ABR: variants seen among roughly 807,000 people sequenced by gnomAD.
The protein encoded by ABR is ABR activator of RhoGEF and GTPase.
A neutral mutation model predicts 107.2 loss-of-function variants in ABR; 35 were observed. The observed-to-expected ratio is 0.33, with a 90% CI of 0.25 to 0.43. The LOEUF is 0.43. ABR is among the 20% of genes least tolerant of loss of function. ABR has a pLI of 1.00. For missense variants in ABR, 815 were observed against 1,115.2 expected, an observed-to-expected ratio of 0.73 and a Z score of 3.83; for synonymous variants, 498 against 462.0, an observed-to-expected ratio of 1.08 and a Z score of -1.00.
Position 1,100,998 on chromosome 17 carries a change from A to G in ABR, c.247-263T>C, listed in dbSNP as rs1442519857. On this transcript the variant is annotated intron_variant, in intron 2 of 22. Transcript: ENST00000302538. Reference sequence around the variant, plus strand: ...GCCACCATGCCCAGATAATTTTTGTATTTTTAGTAGAGATGGGGTTTCACC... The same window carrying G: ...GCCACCATGCCCAGATAATTTTTGTGTTTTTAGTAGAGATGGGGTTTCACC... 13 of 500,074 alleles carry G rather than the reference A, an allele frequency of 2.6e-5. No homozygotes were observed. In the East Asian group the frequency reaches 3.9e-4, roughly 15 times the overall value. The allele number at this position is 500,074 out of a possible 1,614,324, so 31.0% of individuals were successfully genotyped here.
Position 1,010,711 on chromosome 17 carries a change from G to A in ABR, c.2236+18C>T. 1 of 1,612,640 alleles carries A rather than the reference G, an allele frequency of 6.2e-7. No individual in the cohort carries two copies. The highest frequency in any genetic ancestry group is 8.5e-7 in the Non-Finnish European group (1 of 1,179,758). On this transcript the variant is annotated intron_variant, in intron 20 of 22. Coordinates refer to ENST00000302538, the MANE Select transcript of ABR (RefSeq NM_021962.5). This position sits in a 1 kb window ranked among gnomAD's most constrained non-coding sequence, Gnocchi z 4.1. ...TCAGTCTGGCCCAGCCCAGTCCTAGGAGCCCTCAGGGCCTCACCGATGCCC... is the reference window on the plus strand; with the variant it reads ...TCAGTCTGGCCCAGCCCAGTCCTAGAAGCCCTCAGGGCCTCACCGATGCCC...
At chr17:1,159,697 A>ACACAC (rs1485708387) in intron 1 of ABR, among the ~76,000 whole-genome samples, 6 of 56,748 alleles carry the variant, frequency 1.1e-4, no homozygotes, top group African/African-American at 4.4e-4. Flanking sequence ...CAGGAGAAGC[A>ACACAC]GGAATGCGGT....
chr17:1,097,113 G>C (rs1228277881), intron 3 of ABR, among the ~76,000 whole-genome samples: 2 of 152,198 alleles, frequency 1.3e-5, no homozygotes, highest in Non-Finnish European at 2.9e-5. Context: ...TCTTGGTCTT[G>C]GCCCAGAGGA....
intron 1 of ABR, among the ~76,000 whole-genome samples, chr17:1,136,223 T>G (rs915926893): frequency 1.6e-4 from 25 of 152,156 alleles, no homozygotes; most frequent in Admixed American, 1.2e-3. Context: ...GTTTTTGTTT[T>G]GTTTGGTTTT....
chr17:1,126,632 G>A (rs1037035983), intron 1 of ABR: 1 of 152,302 alleles, frequency 6.6e-6, no homozygotes, highest in Non-Finnish European at 1.5e-5. Flanking sequence ...GGGACTCCCT[G>A]GCCAGGCATC....
rs1295881485 is a variant in ABR at position 1,200,906 on chromosome 17, C to T, written c.838+27887G>A. 1.3e-5 allele frequency among the ~76,000 whole-genome samples: 2 copies of T among 152,304 alleles called. No individual in the cohort carries two copies. The highest frequency in any genetic ancestry group is 1.9e-4 in the East Asian group (1 of 5,174). ...CTCTTCCTTCCTCTGGGCAGGGCTA[C>T]AGCTTAGAGACTGGGAGAAAGCCTT... is the stretch of plus-strand genomic sequence containing the variant. On this transcript the variant is annotated intron_variant, in intron 1 of 22. Coordinates refer to the ABR transcript ENST00000574139. The surrounding 1 kb of genome is among the most constrained non-coding windows in gnomAD (Gnocchi z 4.1).
Position 1,078,818 on chromosome 17 carries a change from G to C in ABR, c.700+512C>G, listed in dbSNP as rs2035954768. On this transcript the variant is annotated intron_variant, in intron 6 of 22. Coordinates refer to ENST00000302538, the MANE Select transcript of ABR (RefSeq NM_021962.5). This position sits in a 1 kb window ranked among gnomAD's most constrained non-coding sequence, Gnocchi z 7.5. ...CACAGCGAGCACCTGGGTTACCATA[G>C]GTGCAGTTACAGCAGAAGCGAATAA... 12 of 1,535,464 alleles carry C rather than the reference G, an allele frequency of 7.8e-6. No individual in the cohort carries two copies. Among genetic ancestry groups the C allele is most frequent in the Admixed American group, 3.9e-5 (2 of 50,972 alleles).
chr17:1,102,198 GCCT>G (rs2037946259), intron 2 of ABR, among the ~76,000 whole-genome samples: 1 of 152,128 alleles, frequency 6.6e-6, no homozygotes, highest in South Asian at 2.1e-4. Context: ...AGGAGAACCA[GCCT>G]CCTCATCTTC....
intron 16 of ABR, among the ~76,000 whole-genome samples, chr17:1,017,941 TC>T (rs1179222197): frequency 2.0e-5 from 3 of 151,802 alleles, no homozygotes; most frequent in Admixed American, 1.3e-4. Context: ...CACTGTGCCG[TC>T]CAGGCTGCTA....
intron 2 of ABR, among the ~76,000 whole-genome samples, chr17:1,123,830 T>G (rs573977640): frequency 6.6e-6 from 1 of 152,264 alleles, no homozygotes; most frequent in African/African-American, 2.4e-5. Flanking sequence ...GGGTTACTAT[T>G]TGTACCCTGA....
chr17:1,047,567 G>C (rs2376595), intron 16 of ABR, among the ~76,000 whole-genome samples: 23,859 of 152,326 alleles, frequency 0.16, 2,345 homozygotes, highest in Admixed American at 0.25. Flanking sequence ...TCAAAGGCCT[G>C]CAGGGGACTC....
intron 16 of ABR, among the ~76,000 whole-genome samples, chr17:1,024,858 G>A (rs148787259): frequency 1.6e-3 from 248 of 151,726 alleles, no homozygotes; most frequent in African/African-American, 5.8e-3. Flanking sequence ...AGTGACTCAC[G>A]CCTGTAATCT....
In ABR at chr17:1,027,258, G is replaced by A. The variant is rs2072271425; in HGVS notation, c.1792-14094C>T. Among the ~76,000 whole-genome samples, 2 of 152,156 alleles carry A rather than the reference G, an allele frequency of 1.3e-5. No individual in the cohort carries two copies. Among genetic ancestry groups the A allele is most frequent in the African/African-American group, 2.4e-5 (1 of 41,430 alleles). On this transcript the variant is annotated intron_variant, in intron 16 of 22. Coordinates refer to ENST00000302538, the MANE Select transcript of ABR (RefSeq NM_021962.5). This position sits in a 1 kb window ranked among gnomAD's most constrained non-coding sequence, Gnocchi z 4.7. ...CCCAGCACCGCTGGCTGGCCAAGCC[G>A]TCTGTGGCCTGCAGGGAGGCCGGGG...
chr17:1,025,964 G>C (rs143333236), intron 16 of ABR, among the ~76,000 whole-genome samples: 6 of 152,330 alleles, frequency 3.9e-5, no homozygotes, highest in African/African-American at 1.4e-4. Flanking sequence ...GCTGCTTCAG[G>C]ACAGGGCTCA....
chr17:1,222,063 G>C (rs1343824827), intron 1 of ABR, among the ~76,000 whole-genome samples: 1 of 98,454 alleles, frequency 1.0e-5, no homozygotes, highest in Admixed American at 9.3e-5. Flanking sequence ...CAGCACCATG[G>C]AGGATCCCAT....
intron 1 of ABR, among the ~76,000 whole-genome samples, chr17:1,164,256 G>A (rs62070465): frequency 7.2e-5 from 10 of 138,454 alleles, no homozygotes; most frequent in African/African-American, 1.3e-4. Context: ...TAGGTAGGAC[G>A]GACCCTGGCA....
intron 1 of ABR, among the ~76,000 whole-genome samples, chr17:1,169,738 G>A (rs1426899827): frequency 2.0e-5 from 3 of 152,194 alleles, no homozygotes; most frequent in Admixed American, 6.5e-5. Flanking sequence ...CTCGGCAAAG[G>A]ACCTCGATGC....
Position 1,150,602 on chromosome 17 carries a change from C to T in ABR, c.62-25235G>A, listed in dbSNP as rs1427760808. 1.3e-5 allele frequency among the ~76,000 whole-genome samples: 2 copies of T among 152,220 alleles called. No homozygotes were observed. The highest frequency in any genetic ancestry group is 4.8e-5 in the African/African-American group (2 of 41,446). On this transcript the variant is annotated intron_variant, in intron 1 of 22. Coordinates refer to ENST00000302538, the MANE Select transcript of ABR (RefSeq NM_021962.5). The surrounding 1 kb of genome is among the most constrained non-coding windows in gnomAD (Gnocchi z 4.8). ...CTCTCACTCCTCCGGCGGCCGCCGT[C>T]CACTCCCAGTCCTAGATCTGAGCTC...
chr17:1,067,351 G>A lies in ABR; in HGVS notation c.1017-109C>T, dbSNP rs757911398. ...ACTGACAGGGGTTGACTGAGAACTC[G>A]CCAGAAGCAAGAACGATCCCTGCTC... is the stretch of plus-strand genomic sequence containing the variant. On this transcript the variant is annotated intron_variant, in intron 9 of 22. Transcript: ENST00000302538. 375 of 1,087,906 alleles carry A rather than the reference G, an allele frequency of 3.4e-4. 2 individuals carry two copies. Among genetic ancestry groups the A allele is most frequent in the Non-Finnish European group, 4.2e-4 (332 of 783,844 alleles). The allele number at this position is 1,087,906 out of a possible 1,614,324, so 67.4% of individuals were successfully genotyped here. A position where few individuals can be genotyped will look rare whatever the true frequency, so the allele number is the denominator to read the frequency against.
Sources: gnomAD v4.1 joint callset for allele counts (sites outside exome capture counted in the v4.1 genomes callset) on GRCh38, gnomAD v4.1.1 for gene constraint, Gnocchi (gnomAD v3.1) non-coding constraint, MANE v1.5 for transcripts, NCBI Gene and HGNC (gene_info 2026-07-23, HGNC 2026-07-21) for gene names.